MCTP1: variants seen among roughly 807,000 people sequenced by gnomAD.
MCTP1 encodes multiple C2 and transmembrane domain-containing protein 1.
In MCTP1, 69 loss-of-function variants were observed where a neutral mutation model predicts 120.6. The ratio of observed to expected loss-of-function variants is 0.57; its 90% CI spans 0.47 to 0.70. The LOEUF (loss-of-function observed/expected upper bound fraction) is 0.70, where lower values mean the gene tolerates loss of function less well. Ranked by LOEUF, MCTP1 falls within the 30% of genes least tolerant of loss-of-function variation. The pLI is 0.00. For synonymous variants in MCTP1, 529 were observed against 493.1 expected (o/e 1.07, Z -0.96); for missense variants, 1,203 against 1,248.8 (o/e 0.96, Z 0.55).
At chr5:95,150,438 CTAAG>C (rs1465541804) in intron 1 of MCTP1, among the ~76,000 whole-genome samples, 9 of 152,050 alleles carry the variant, frequency 5.9e-5, no homozygotes, top group Admixed American at 4.6e-4. Context: ...GTATGGTATC[CTAAG>C]TAAGAGTCAA....
chr5:94,932,213 T>TAAAAAA (rs368203326), intron 5 of MCTP1, among the ~76,000 whole-genome samples: 1 of 95,844 alleles, frequency 1.0e-5, no homozygotes, highest in African/African-American at 4.1e-5. Context: ...TATTCCTTTG[T>TAAAAAA]AAAAAAAAAA....
intron 1 of MCTP1, among the ~76,000 whole-genome samples, chr5:95,089,054 A>G (rs1356615224): frequency 6.6e-6 from 1 of 152,246 alleles, no homozygotes; most frequent in Non-Finnish European, 1.5e-5. Context: ...ATGTCATATC[A>G]TTCCTCTTTA....
intron 17 of MCTP1, among the ~76,000 whole-genome samples, chr5:94,854,361 AC>A (rs1248006429): frequency 6.6e-6 from 1 of 151,854 alleles, no homozygotes; most frequent in Non-Finnish European, 1.5e-5. Flanking sequence ...TTAGAGTCTG[AC>A]AAGAAGTGAA....
chr5:95,081,952 G>T, intron 1 of MCTP1: 2 of 505,556 alleles, frequency 4.0e-6, no homozygotes, highest in Non-Finnish European at 5.1e-6. Flanking sequence ...TTAATTTAAT[G>T]TTATTAAGGA....
intron 1 of MCTP1, among the ~76,000 whole-genome samples, chr5:95,217,752 A>G (rs1348777665): frequency 6.6e-6 from 1 of 152,170 alleles, no homozygotes; most frequent in East Asian, 1.9e-4. Flanking sequence ...TAAAATACAT[A>G]TATTTTGCAT....
intron 7 of MCTP1, among the ~76,000 whole-genome samples, chr5:94,919,553 A>G (rs1452053616): frequency 6.6e-6 from 1 of 152,168 alleles, no homozygotes; most frequent in Non-Finnish European, 1.5e-5. Flanking sequence ...AGTGAAAGAC[A>G]TTGCTTATGT....
At position 94,894,720 on chromosome 5, in the gene MCTP1, C is replaced by T. The variant is rs1803492279; in HGVS notation, c.1768G>A (p.Val590Ile). 4 of 1,613,956 alleles carry T rather than the reference C, an allele frequency of 2.5e-6. No homozygotes were observed. The highest frequency in any genetic ancestry group is 2.2e-5 in the South Asian group (2 of 91,072). ...TTGACAGACAGGTCAGAGATGCTGA[C>T]TGTGGCTGATGCTGTCAGAGTGACC... is the stretch of plus-strand genomic sequence containing the variant. ...LLVTLTASAT[V>I]SISDLSVNSL... Residue 590 changes from valine (V) to isoleucine (I), a missense_variant, in exon 11 of 23, where the codon GTC (valine) becomes ATC (isoleucine). Around this residue, in one of 2 missense-constraint regions of MCTP1, gnomAD observed 740 missense variants for 871.1 expected, o/e 0.85. Transcript: ENST00000515393.
chr5:94,766,921 C>T (rs1284279361), intron 19 of MCTP1, among the ~76,000 whole-genome samples: 6 of 152,038 alleles, frequency 3.9e-5, no homozygotes, highest in African/African-American at 7.3e-5. Context: ...TTCTTCCTAA[C>T]GCATTCTATG....
At chr5:94,966,974 A>C (rs916275725) in intron 2 of MCTP1, among the ~76,000 whole-genome samples, 2 of 152,214 alleles carry the variant, frequency 1.3e-5, no homozygotes, top group African/African-American at 4.8e-5. Context: ...ATCATTTTAC[A>C]AAAAACGCAC....
chr5:94,994,744 C>T (rs2153623703), intron 2 of MCTP1, among the ~76,000 whole-genome samples: 1 of 152,228 alleles, frequency 6.6e-6, no homozygotes, highest in Admixed American at 6.5e-5. Flanking sequence ...CTGCAAAAGG[C>T]AGACCCGCCC....
At chr5:95,258,136 T>C (rs1280733412) in intron 1 of MCTP1, among the ~76,000 whole-genome samples, 1 of 152,116 alleles carries the variant, frequency 6.6e-6, no homozygotes, top group East Asian at 1.9e-4. Flanking sequence ...GACTACAGTA[T>C]GGAAAATGGG....
intron 2 of MCTP1, among the ~76,000 whole-genome samples, chr5:94,968,335 T>C (rs1450772576): frequency 6.6e-6 from 1 of 152,200 alleles, no homozygotes; most frequent in Non-Finnish European, 1.5e-5. Context: ...AGAAGGAGGC[T>C]TGACAGGCAT....
At chr5:94,780,494 TGA>T (rs1196726599) in intron 18 of MCTP1, among the ~76,000 whole-genome samples, 3 of 136 alleles carry the variant, frequency 0.022, no homozygotes, top group Non-Finnish European at 0.05. Context: ...TGACAACCTG[TGA>T]GACTGTCTTA....
chr5:95,060,950 AAAAAG>A (rs1390487914), intron 1 of MCTP1, among the ~76,000 whole-genome samples: 26 of 149,316 alleles, frequency 1.7e-4, no homozygotes, highest in Non-Finnish European at 2.5e-4. Context: ...CAAAAAAAAA[AAAAAG>A]AAAAGAAAAG....
chr5:94,797,733 A>G (rs1780390237), intron 18 of MCTP1, among the ~76,000 whole-genome samples: 1 of 152,198 alleles, frequency 6.6e-6, no homozygotes, highest in South Asian at 2.1e-4. Context: ...ATGGTGGCAA[A>G]TACAAAGATG....
At chr5:95,073,956 CA>C (rs1029259926) in intron 1 of MCTP1, among the ~76,000 whole-genome samples, 3 of 151,320 alleles carry the variant, frequency 2.0e-5, no homozygotes, top group Admixed American at 6.6e-5. Context: ...ACTGAAAATA[CA>C]AAAAAAAATT....
At chr5:94,978,310 A>T (rs1828572058) in intron 2 of MCTP1, among the ~76,000 whole-genome samples, 1 of 152,108 alleles carries the variant, frequency 6.6e-6, no homozygotes, top group Admixed American at 6.6e-5. Context: ...AAAAAAAAAT[A>T]AAAATAGAGC....
At chr5:95,204,927 C>A (rs1483124580) in intron 1 of MCTP1, among the ~76,000 whole-genome samples, 1 of 151,998 alleles carries the variant, frequency 6.6e-6, no homozygotes, top group Non-Finnish European at 1.5e-5. Context: ...TGGCAATGCT[C>A]CCCAGATTTA....
chr5:94,870,685 C>T (rs293058), intron 15 of MCTP1, among the ~76,000 whole-genome samples, 187 bp downstream of exon 15: 27,007 of 152,026 alleles, frequency 0.18, 2,977 homozygotes, highest in Non-Finnish European at 0.24. Context: ...AGAACACAAC[C>T]GCAGCAGCAT....
Sources: gnomAD v4.1 joint callset for allele counts (sites outside exome capture counted in the v4.1 genomes callset) on GRCh38, gnomAD v4.1.1 for gene constraint, gnomAD v4.1.1 regional missense constraint, MANE v1.5 for transcripts, NCBI Gene and HGNC (gene_info 2026-07-23, HGNC 2026-07-21) for gene names.